TIAM1: variants seen among roughly 807,000 people sequenced by gnomAD.
TIAM1 encodes TIAM Rac1 associated GEF 1.
TIAM1 carries 65 observed loss-of-function variants against 163.5 expected under a neutral mutation model. That is an observed-to-expected ratio of 0.40 (90% confidence interval 0.33 to 0.49). The LOEUF (loss-of-function observed/expected upper bound fraction) is 0.49, where lower values mean the gene tolerates loss of function less well. Ranked by LOEUF, TIAM1 falls within the 20% of genes least tolerant of loss-of-function variation. TIAM1 has a pLI of 0.77. For synonymous variants in TIAM1, 833 were observed against 810.1 expected (o/e 1.03, Z -0.48); for missense variants, 1,789 against 2,044.7 (o/e 0.87, Z 2.41).
intron 2 of TIAM1, among the ~76,000 whole-genome samples, chr21:31,394,512 G>A (rs148035297): frequency 2.0e-5 from 3 of 152,122 alleles, no homozygotes; most frequent in African/African-American, 7.2e-5. Flanking sequence ...TCTGGGTGGT[G>A]ATGACAGTTG....
intron 2 of TIAM1, among the ~76,000 whole-genome samples, chr21:31,306,213 G>A (rs891199149): frequency 2.0e-5 from 3 of 152,184 alleles, no homozygotes; most frequent in South Asian, 4.1e-4. Context: ...GAGCCCAGGA[G>A]TTTGAGGCTG....
intron 2 of TIAM1, among the ~76,000 whole-genome samples, chr21:31,367,212 G>A (rs898531404): frequency 5.9e-5 from 9 of 152,200 alleles, no homozygotes; most frequent in African/African-American, 2.2e-4. Context: ...CAACTCACCT[G>A]GTTCATCCTC....
chr21:31,494,788 A>G (rs1278175337), intron 1 of TIAM1, among the ~76,000 whole-genome samples: 1 of 152,224 alleles, frequency 6.6e-6, no homozygotes, highest in African/African-American at 2.4e-5. Context: ...GATTGCAATA[A>G]GCCGAGATCG....
chr21:31,133,898 T>A (rs2082514292), intron 23 of TIAM1, among the ~76,000 whole-genome samples: 1 of 152,008 alleles, frequency 6.6e-6, no homozygotes, highest in Non-Finnish European at 1.5e-5. Context: ...TGAAACTCCA[T>A]CTCTACTAAA....
At chr21:31,547,144 A>G (rs568699318) in intron 1 of TIAM1, among the ~76,000 whole-genome samples, 14 of 152,318 alleles carry the variant, frequency 9.2e-5, no homozygotes, top group African/African-American at 3.4e-4. Context: ...AAAAGGAACA[A>G]TTTTAGCCCT....
chr21:31,465,539 G>A (rs2147359379), intron 1 of TIAM1, among the ~76,000 whole-genome samples: 1 of 151,660 alleles, frequency 6.6e-6, no homozygotes, highest in South Asian at 2.1e-4. Context: ...GCCTATAAGG[G>A]CAGTGACTGG....
chr21:31,341,190 C>A (rs575104179), intron 1 of TIAM1, among the ~76,000 whole-genome samples: 1 of 152,156 alleles, frequency 6.6e-6, no homozygotes, highest in African/African-American at 2.4e-5. Context: ...AAACCTTACA[C>A]GAATATTCAT....
At chr21:31,519,666 G>A (rs947766126) in intron 1 of TIAM1, among the ~76,000 whole-genome samples, 6 of 152,124 alleles carry the variant, frequency 3.9e-5, no homozygotes, top group South Asian at 2.1e-4. Flanking sequence ...GTGCTTTGAC[G>A]CATGAACAGA....
chr21:31,251,830 G>T lies in TIAM1; in HGVS notation c.1323C>A (p.Ala441=). The T allele has an allele frequency of 1.2e-6, 2 of 1,613,578 alleles. No individual in the cohort carries two copies. The highest frequency in any genetic ancestry group is 1.7e-6 in the Non-Finnish European group (2 of 1,179,708). The change falls in exon 5 of 28, where the codon GCC becomes GCA. Residue 441 remains alanine (A), a synonymous_variant. Transcript: ENST00000541036. ...TCTTGTGCACCAGGAAGTTCTTGAC[G>T]GCCAGGGCGCCGGCCTTGCGCACCG... The part of the protein sequence containing the change: ...QGTVRKAGAL[A]VKNFLVHKKN...
chr21:31,383,732 C>T (rs1042492789), intron 2 of TIAM1, among the ~76,000 whole-genome samples: 2 of 152,154 alleles, frequency 1.3e-5, no homozygotes, highest in African/African-American at 4.8e-5. Flanking sequence ...TAAGGTTACA[C>T]ACCAACAGGA....
chr21:31,185,601 T>C (rs1238549847), intron 14 of TIAM1, among the ~76,000 whole-genome samples: 2 of 144,270 alleles, frequency 1.4e-5, no homozygotes, highest in East Asian at 2.0e-4. Context: ...ATATATCATA[T>C]AGCTATATAT....
rs911346089 is a variant in TIAM1, at chr21:31,556,187, G to C, written c.-422+2740C>G. ...AAGGGCGCGAGAATTCCCAGAACAA[G>C]TACAAGAAGGATGAGAATCATTTCT... is the stretch of plus-strand genomic sequence containing the variant. On this transcript the variant is annotated intron_variant, in intron 1 of 28. Coordinates refer to the TIAM1 transcript ENST00000286827. 1.6e-4 allele frequency among the ~76,000 whole-genome samples: 25 copies of C among 152,150 alleles called. 1 individual carries two copies. Among genetic ancestry groups the C allele is most frequent in the Admixed American group, 1.6e-3 (24 of 15,266 alleles).
At chr21:31,151,384 A>G (rs1050229895) in intron 19 of TIAM1, among the ~76,000 whole-genome samples, 1 of 152,232 alleles carries the variant, frequency 6.6e-6, no homozygotes, top group African/African-American at 2.4e-5. Context: ...TGCAGCAATG[A>G]AAAGGGATGA....
At chr21:31,257,992 T>C (rs9983828) in intron 4 of TIAM1, among the ~76,000 whole-genome samples, 54,687 of 144,178 alleles carry the variant, frequency 0.38, 11,338 homozygotes, top group Non-Finnish European at 0.48. Context: ...AGCTCCCTCC[T>C]CCCCTCCTCT....
Position 31,297,152 on chromosome 21 carries a change from T to C in TIAM1, c.-188-20244A>G, listed in dbSNP as rs183648117. Among the ~76,000 whole-genome samples, 284 of 152,302 alleles carry C rather than the reference T, an allele frequency of 1.9e-3. 1 individual carries two copies. Among genetic ancestry groups the C allele is most frequent in the African/African-American group, 6.6e-3 (274 of 41,560 alleles). On this transcript the variant is annotated intron_variant, in intron 2 of 27. Transcript: ENST00000541036. ...ATTAAGAAAATGAATAAAACTCAAT[T>C]ACAATTTCACATTATATAAAATTAG...
intron 1 of TIAM1, among the ~76,000 whole-genome samples, chr21:31,342,858 G>A (rs980131978): frequency 2.0e-4 from 30 of 152,138 alleles, no homozygotes; most frequent in African/African-American, 7.2e-4. Flanking sequence ...CAAGGAAGTG[G>A]GAGAGTCAGA....
intron 15 of TIAM1, among the ~76,000 whole-genome samples, chr21:31,175,669 G>T (rs2084727163): frequency 6.6e-6 from 1 of 152,036 alleles, no homozygotes; most frequent in Non-Finnish European, 1.5e-5. Flanking sequence ...TACGATCTTG[G>T]CTCACAGCAA....
chr21:31,549,913 C>T (rs1330532509), intron 1 of TIAM1, among the ~76,000 whole-genome samples: 1 of 152,158 alleles, frequency 6.6e-6, no homozygotes, highest in Non-Finnish European at 1.5e-5. Flanking sequence ...GGCCTGAGGT[C>T]AGGAGTTCGA....
intron 2 of TIAM1, among the ~76,000 whole-genome samples, chr21:31,304,256 T>G (rs1342193790): frequency 1.3e-5 from 2 of 151,880 alleles, no homozygotes; most frequent in Admixed American, 1.3e-4. Flanking sequence ...GCATAAGAAA[T>G]GGTAAATATA....
Sources: allele counts gnomAD v4.1 joint callset (sites outside exome capture counted in the v4.1 genomes callset), GRCh38; gene constraint gnomAD v4.1.1; transcripts MANE v1.5; gene names NCBI Gene and HGNC (gene_info 2026-07-23, HGNC 2026-07-21).